The following STIM2 variants were observed in gnomAD, a reference collection of about 807,000 sequenced individuals.
STIM2 encodes the protein stromal interaction molecule 2.
A neutral mutation model predicts 85.8 loss-of-function variants in STIM2; 31 were observed. The ratio of observed to expected loss-of-function variants is 0.36; its 90% CI spans 0.27 to 0.49. The LOEUF (loss-of-function observed/expected upper bound fraction) is 0.49. Among genes scored for constraint, STIM2 ranks in the 20% least tolerant of loss-of-function variants. The pLI, the probability that STIM2 is intolerant of heterozygous loss-of-function variation, is 0.98. For synonymous variants in STIM2, 356 were observed against 331.1 expected, an observed-to-expected ratio of 1.08 and a Z score of -0.82; for missense variants, 841 against 927.6, an observed-to-expected ratio of 0.91 and a Z score of 1.21.
At position 26,954,810 on chromosome 4, in the gene STIM2, C is replaced by T. The variant is rs1409529777; in HGVS notation, c.283-2802C>T. ...GTTTCTAGTCACATTCCGTGATCAGCATGTTGAAGATCTGTAAGATACAGA... is the reference window on the plus strand; with the variant it reads ...GTTTCTAGTCACATTCCGTGATCAGTATGTTGAAGATCTGTAAGATACAGA... On this transcript the variant is annotated intron_variant, in intron 2 of 11. Transcript: ENST00000467087. Among the ~76,000 whole-genome samples the T allele has an allele frequency of 2.0e-5, 3 of 147,596 alleles. 1 individual carries two copies. The highest frequency in any genetic ancestry group is 7.8e-5 in the African/African-American group (3 of 38,594).
chr4:26,958,827 C>A (rs529571767), intron 3 of STIM2, among the ~76,000 whole-genome samples: 2 of 152,224 alleles, frequency 1.3e-5, no homozygotes, highest in East Asian at 3.9e-4. Flanking sequence ...TTTATTGACA[C>A]GACATAGCTC....
intron 3 of STIM2, among the ~76,000 whole-genome samples, chr4:26,992,169 T>C (rs561902230): frequency 3.3e-5 from 5 of 152,276 alleles, no homozygotes; most frequent in South Asian, 2.1e-4. Flanking sequence ...AAGAATTTCT[T>C]ATACATACAA....
At chr4:26,877,519 T>G (rs565309943) in intron 1 of STIM2, among the ~76,000 whole-genome samples, 6 of 151,638 alleles carry the variant, frequency 4.0e-5, no homozygotes, top group East Asian at 1.9e-4. Context: ...ATGGGTTGTT[T>G]TTTTTTTTTT....
chr4:26,893,449 G>A (rs1454621754), intron 1 of STIM2, among the ~76,000 whole-genome samples: 1 of 152,012 alleles, frequency 6.6e-6, no homozygotes, highest in African/African-American at 2.4e-5. Context: ...TCTTGCTTTT[G>A]CTCAAAAAAG....
At position 27,025,373 on chromosome 4, in the gene STIM2, C is replaced by T. The variant is rs1213772900; in HGVS notation, c.*2377C>T. 4 of 136,336 alleles carry T rather than the reference C, an allele frequency of 2.9e-5. No homozygotes were observed. The highest frequency in any genetic ancestry group is 3.0e-4 in the East Asian group (1 of 3,374). 8.4% of individuals were successfully genotyped at this position (136,336 alleles called of 1,614,324 possible). On this transcript the variant is annotated 3_prime_UTR_variant, in exon 12 of 12. Transcript: ENST00000467087. Reference sequence around the variant, plus strand: ...TTCCTGATTTTAAAAGCAATATTTTCCTTACTGTAAAAAAAAAAAAAAAAA... The same window carrying T: ...TTCCTGATTTTAAAAGCAATATTTTTCTTACTGTAAAAAAAAAAAAAAAAA...
Position 26,954,377 on chromosome 4 carries a change from T to A in STIM2, c.283-3235T>A, listed in dbSNP as rs566772189. ...CTTGTCAATTTAGGATTCCCTATAG[T>A]AGGTTTGCATATAATTGGGTGTATT... On this transcript the variant is annotated intron_variant, in intron 2 of 11. Coordinates refer to ENST00000467087, the MANE Select transcript of STIM2 (RefSeq NM_020860.4). Among the ~76,000 whole-genome samples, 7 of 125,654 alleles carry A rather than the reference T, an allele frequency of 5.6e-5. 2 individuals carry two copies. Among genetic ancestry groups the A allele is most frequent in the African/African-American group, 1.8e-4 (5 of 28,344 alleles). The allele number at this position is 125,654 out of a possible 152,430, so 82.4% of individuals were successfully genotyped here.
chr4:26,972,228 T>G (rs766326913), intron 3 of STIM2, among the ~76,000 whole-genome samples: 2 of 152,154 alleles, frequency 1.3e-5, no homozygotes, highest in Non-Finnish European at 2.9e-5. Flanking sequence ...TGAATACCCT[T>G]TATTTCTTTC....
At chr4:26,889,119 T>C (rs1011397095) in intron 1 of STIM2, among the ~76,000 whole-genome samples, 2 of 152,204 alleles carry the variant, frequency 1.3e-5, no homozygotes, top group Non-Finnish European at 1.5e-5. Flanking sequence ...ATAGGGATAA[T>C]AGTGAGTGGC....
intron 1 of STIM2, among the ~76,000 whole-genome samples, chr4:26,918,070 G>A (rs1031873264): frequency 2.6e-5 from 4 of 151,904 alleles, no homozygotes; most frequent in Admixed American, 1.3e-4. Flanking sequence ...ACTTATAATT[G>A]CATTTCCTAC....
intron 10 of STIM2, among the ~76,000 whole-genome samples, chr4:27,014,805 T>C (rs963302237): frequency 2.6e-5 from 4 of 151,966 alleles, no homozygotes; most frequent in Non-Finnish European, 4.4e-5. Context: ...CTCCTTACAA[T>C]TCTGCCCATT....
At chr4:26,978,594 C>A in intron 3 of STIM2, among the ~76,000 whole-genome samples, 1 of 152,084 alleles carries the variant, frequency 6.6e-6, no homozygotes. Context: ...AACTAGGAGT[C>A]TTGCCTGCCT....
intron 1 of STIM2, 80 bp from the exon 2 acceptor site, chr4:26,919,424 T>G: frequency 6.4e-7 from 1 of 1,566,012 alleles, no homozygotes; most frequent in East Asian, 2.3e-5. Context: ...ATTCTGTTGG[T>G]TTTCTTTTAA....
At chr4:26,888,298 TC>T (rs1339696697) in intron 1 of STIM2, among the ~76,000 whole-genome samples, 1 of 152,144 alleles carries the variant, frequency 6.6e-6, no homozygotes, top group Non-Finnish European at 1.5e-5. Context: ...AATATGAATA[TC>T]CTTCAAACAA....
chr4:26,971,199 T>C (rs1726935594), intron 3 of STIM2, among the ~76,000 whole-genome samples: 1 of 152,210 alleles, frequency 6.6e-6, no homozygotes. Flanking sequence ...AGGTTACCTG[T>C]TCACTGTGAT....
At chr4:26,964,848 A>C (rs1220517099) in intron 3 of STIM2, among the ~76,000 whole-genome samples, 2 of 152,162 alleles carry the variant, frequency 1.3e-5, no homozygotes, top group African/African-American at 4.8e-5. Flanking sequence ...TGGGATAATA[A>C]AAGGAAAAGC....
chr4:26,870,320 T>C (rs890186275), intron 1 of STIM2, among the ~76,000 whole-genome samples: 23 of 151,114 alleles, frequency 1.5e-4, no homozygotes, highest in African/African-American at 5.6e-4. Context: ...AAGGTAAGGA[T>C]GTGATGTGAT....
At chr4:26,951,960 A>G (rs1266364793) in intron 2 of STIM2, among the ~76,000 whole-genome samples, 1 of 152,102 alleles carries the variant, frequency 6.6e-6, no homozygotes, top group Non-Finnish European at 1.5e-5. Flanking sequence ...GTGGGAGGCA[A>G]AAGGACTTCT....
chr4:26,969,941 G>A (rs1039561952), intron 3 of STIM2, among the ~76,000 whole-genome samples: 13 of 152,014 alleles, frequency 8.6e-5, no homozygotes, highest in Admixed American at 3.9e-4. Flanking sequence ...TGAAATTACA[G>A]TATAGTGTAT....
intron 7 of STIM2, among the ~76,000 whole-genome samples, chr4:27,005,033 A>G (rs994389491): frequency 2.0e-5 from 3 of 152,220 alleles, no homozygotes; most frequent in Non-Finnish European, 4.4e-5. Flanking sequence ...TGCGTGTCAT[A>G]TTCCAAAGTC....
Sources: gnomAD v4.1 joint callset for allele counts (sites outside exome capture counted in the v4.1 genomes callset) on GRCh38, gnomAD v4.1.1 for gene constraint, MANE v1.5 for transcripts, NCBI Gene and HGNC (gene_info 2026-07-23, HGNC 2026-07-21) for gene names.